AGAP1: variants seen among roughly 807,000 people sequenced by gnomAD.
AGAP1 encodes the protein ArfGAP with GTPase domain, ankyrin repeat and PH domain 1.
In AGAP1, 29 loss-of-function variants were observed where a neutral mutation model predicts 105.3. The ratio of observed to expected loss-of-function variants is 0.28; its 90% CI spans 0.21 to 0.38. The LOEUF (loss-of-function observed/expected upper bound fraction) is 0.38. Ranked by LOEUF, AGAP1 falls within the 10% of genes least tolerant of loss-of-function variation. The probability of loss-of-function intolerance (pLI) is 1.00; values close to 1 mark genes in which losing one functional copy is unlikely to be tolerated. For synonymous variants in AGAP1, 509 were observed against 485.9 expected (o/e 1.05, Z -0.63); for missense variants, 998 against 1,165.1 (o/e 0.86, Z 2.09).
In AGAP1 at chr2:235,752,988, A is replaced by T. The variant is rs1411639548; in HGVS notation, c.673+2500A>T. Reference sequence around the variant, plus strand: ...TGGGATATGTGTTTGCATAGTGGAGAACAGAGGACACAAGCCCTCGCCAGT... The same window carrying T: ...TGGGATATGTGTTTGCATAGTGGAGTACAGAGGACACAAGCCCTCGCCAGT... On this transcript the variant is annotated intron_variant, in intron 6 of 17. Coordinates refer to ENST00000304032, the MANE Select transcript of AGAP1 (RefSeq NM_001037131.3). This position sits in a 1 kb window ranked among gnomAD's most constrained non-coding sequence, Gnocchi z 4.3. Among the ~76,000 whole-genome samples, 1 of 152,130 alleles carries T rather than the reference A, an allele frequency of 6.6e-6. No individual in the cohort carries two copies. The highest frequency in any genetic ancestry group is 1.5e-5 in the Non-Finnish European group (1 of 68,030).
rs1020837011 is a variant in AGAP1, at chr2:235,608,616, G to A, written c.164-100563G>A. On this transcript the variant is annotated intron_variant, in intron 1 of 17. Transcript: ENST00000304032. This position sits in a 1 kb window ranked among gnomAD's most constrained non-coding sequence, Gnocchi z 5.4. The stretch of plus-strand genomic sequence containing the variant: ...ATGATGCCCAGAGTGTCTGGGGGAC[G>A]CATCCAGGGTCCCAGGCCCAGAAAA... Among the ~76,000 whole-genome samples, 17 of 152,192 alleles carry A rather than the reference G, an allele frequency of 1.1e-4. No individual in the cohort carries two copies. The highest frequency in any genetic ancestry group is 4.1e-4 in the African/African-American group (17 of 41,442).
rs1193692554 is a variant in AGAP1, at chr2:236,056,848, C to T, written c.2114+7567C>T. ...GGCACCAAGATCTGACTCCAGATGCCGCTCTGCAGTCCTGCTGCTGCTCCT... is the reference window on the plus strand; with the variant it reads ...GGCACCAAGATCTGACTCCAGATGCTGCTCTGCAGTCCTGCTGCTGCTCCT... On this transcript the variant is annotated intron_variant, in intron 16 of 17. Transcript: ENST00000304032. This position sits in a 1 kb window ranked among gnomAD's most constrained non-coding sequence, Gnocchi z 4.6. Among the ~76,000 whole-genome samples, 6 of 152,228 alleles carry T rather than the reference C, an allele frequency of 3.9e-5. No homozygotes were observed. The South Asian group carries it at 6.2e-4, about 16-fold the overall frequency.
chr2:235,580,711 C>T (rs1944902292), intron 1 of AGAP1, among the ~76,000 whole-genome samples: 1 of 152,076 alleles, frequency 6.6e-6, no homozygotes, highest in Admixed American at 6.5e-5. Context: ...TCTTTGGCCT[C>T]TAATGTTTTG....
In AGAP1 at chr2:236,082,700, C is replaced by T. The variant is rs1404248555; in HGVS notation, c.2114+33419C>T. Among the ~76,000 whole-genome samples the T allele has an allele frequency of 6.6e-6, 1 of 152,114 alleles. No individual in the cohort carries two copies. Among genetic ancestry groups the T allele is most frequent in the Non-Finnish European group, 1.5e-5 (1 of 68,028 alleles). ...ACCAGCCTGGCCAACATGGCGAAAC[C>T]CTGTCTCTACTAAAAATACAAAAAT... On this transcript the variant is annotated intron_variant, in intron 16 of 17. Transcript: ENST00000304032. This position sits in a 1 kb window ranked among gnomAD's most constrained non-coding sequence, Gnocchi z 4.2.
intron 1 of AGAP1, among the ~76,000 whole-genome samples, chr2:235,646,641 T>C (rs1478113856): frequency 6.6e-6 from 1 of 152,194 alleles, no homozygotes; most frequent in African/African-American, 2.4e-5. Flanking sequence ...CGCCCCTAAC[T>C]TTTCCACCTG....
intron 12 of AGAP1, among the ~76,000 whole-genome samples, chr2:235,950,050 T>C (rs2053667847): frequency 2.0e-5 from 3 of 152,052 alleles, no homozygotes; most frequent in Admixed American, 6.5e-5. Context: ...TGCTGGGAGA[T>C]GCTTGGGCAC....
chr2:235,687,818 C>T (rs186541802), intron 1 of AGAP1, among the ~76,000 whole-genome samples: 45 of 150,686 alleles, frequency 3.0e-4, no homozygotes, highest in Admixed American at 4.6e-4. Context: ...GAGGATTCAG[C>T]GCTCTTTGGT....
At position 236,055,690 on chromosome 2, in the gene AGAP1, C is replaced by T. The variant is rs924555169; in HGVS notation, c.2114+6409C>T. On this transcript the variant is annotated intron_variant, in intron 16 of 17. Coordinates refer to ENST00000304032, the MANE Select transcript of AGAP1 (RefSeq NM_001037131.3). The surrounding 1 kb of genome is among the most constrained non-coding windows in gnomAD (Gnocchi z 6.2). ...AGGAGCCGTGGGTTTGCAGGCACAC[C>T]GTCTGCTGGCAGGAGTGACATTTAC... is the stretch of plus-strand genomic sequence containing the variant. Among the ~76,000 whole-genome samples, 4 of 152,358 alleles carry T rather than the reference C, an allele frequency of 2.6e-5. No individual in the cohort carries two copies. Among genetic ancestry groups the T allele is most frequent in the Middle Eastern group, 3.4e-3 (1 of 294 alleles).
intron 13 of AGAP1, among the ~76,000 whole-genome samples, chr2:236,006,389 G>A (rs62189403): frequency 0.022 from 3,284 of 152,268 alleles, 56 homozygotes; most frequent in Non-Finnish European, 0.035. Context: ...AGGCGTGCTC[G>A]TTGCTTCTGG....
At chr2:235,795,054 C>T (rs922976515) in intron 6 of AGAP1, among the ~76,000 whole-genome samples, 6 of 152,132 alleles carry the variant, frequency 3.9e-5, no homozygotes, top group Non-Finnish European at 8.8e-5. Context: ...ACGATTACAG[C>T]CACAGAAGAG....
rs751518839 is a variant in AGAP1 at position 235,611,103 on chromosome 2, T to C, written c.164-98076T>C. 6.6e-6 allele frequency among the ~76,000 whole-genome samples: 1 copy of C among 151,726 alleles called. No homozygotes were observed. Among genetic ancestry groups the C allele is most frequent in the Non-Finnish European group, 1.5e-5 (1 of 68,038 alleles). ...ATGGGCTAGTGTGTTGACCTTCCACTGCCCCGAGGGGAGGACTCTGCCCTA... is the reference window on the plus strand; with the variant it reads ...ATGGGCTAGTGTGTTGACCTTCCACCGCCCCGAGGGGAGGACTCTGCCCTA... On this transcript the variant is annotated intron_variant, in intron 1 of 17. Coordinates refer to ENST00000304032, the MANE Select transcript of AGAP1 (RefSeq NM_001037131.3). This position sits in a 1 kb window ranked among gnomAD's most constrained non-coding sequence, Gnocchi z 5.0.
In AGAP1 at chr2:235,953,363, T is replaced by C. The variant is rs890579416; in HGVS notation, c.1484-15099T>C. On this transcript the variant is annotated intron_variant, in intron 12 of 17. Transcript: ENST00000304032. The surrounding 1 kb of genome is among the most constrained non-coding windows in gnomAD (Gnocchi z 5.2). ...ATGGCCAAGGGAAAAGAAAACGTAA[T>C]TTATCGTTATAAGATGTTAATTTTT... is the stretch of plus-strand genomic sequence containing the variant. Among the ~76,000 whole-genome samples, 1 of 152,186 alleles carries C rather than the reference T, an allele frequency of 6.6e-6. No individual in the cohort carries two copies.
intron 6 of AGAP1, among the ~76,000 whole-genome samples, chr2:235,786,559 G>C (rs933720196): frequency 6.6e-6 from 1 of 152,204 alleles, no homozygotes; most frequent in African/African-American, 2.4e-5. Flanking sequence ...TGGGCATGGA[G>C]GGAAATGGTA....
At chr2:235,972,786 C>T (rs1022304200) in intron 13 of AGAP1, among the ~76,000 whole-genome samples, 2 of 152,196 alleles carry the variant, frequency 1.3e-5, no homozygotes, top group Admixed American at 1.3e-4. Flanking sequence ...TCCTACAAGC[C>T]CCTGAAGCCC....
chr2:235,860,224 T>C (rs973076701), intron 9 of AGAP1, among the ~76,000 whole-genome samples: 6 of 152,166 alleles, frequency 3.9e-5, no homozygotes, highest in Admixed American at 1.3e-4. Flanking sequence ...ATAAAAAATA[T>C]AACTTTATCT....
At chr2:235,619,448 A>G (rs964458749) in intron 1 of AGAP1, among the ~76,000 whole-genome samples, 1 of 146,488 alleles carries the variant, frequency 6.8e-6, no homozygotes, top group Non-Finnish European at 1.5e-5. Context: ...CTGGGGCTGA[A>G]GTGGGGGAGC....
At chr2:235,528,343 CAGGCCCCCTCCCCCT>C (rs931568960) in intron 1 of AGAP1, among the ~76,000 whole-genome samples, 2 of 151,562 alleles carry the variant, frequency 1.3e-5, no homozygotes, top group African/African-American at 4.9e-5. Flanking sequence ...TCTGTGCACT[CAGGCCCCCTCCCCCT>C]CCCCCGCCCC....
At chr2:235,749,744 A>C (rs183889890) in intron 5 of AGAP1, among the ~76,000 whole-genome samples, 130 of 152,332 alleles carry the variant, frequency 8.5e-4, no homozygotes, top group African/African-American at 2.5e-3. Context: ...TCCCGGCATC[A>C]GTTAACAGTG....
At chr2:235,776,825 C>T (rs1559473172) in intron 6 of AGAP1, 4 of 458,908 alleles carry the variant, frequency 8.7e-6, no homozygotes, top group Non-Finnish European at 1.8e-5. Context: ...GTCCCTCAGG[C>T]ATCGGCACCA....
Sources: gnomAD v4.1 joint callset for allele counts (sites outside exome capture counted in the v4.1 genomes callset) on GRCh38, gnomAD v4.1.1 for gene constraint, Gnocchi (gnomAD v3.1) non-coding constraint, MANE v1.5 for transcripts, NCBI Gene and HGNC (gene_info 2026-07-23, HGNC 2026-07-21) for gene names.